Variants in RBM20 observed in about 807,000 individuals in gnomAD.
The protein encoded by RBM20 is RNA binding motif protein 20, also known as RNA-binding protein 20.
A neutral mutation model predicts 110.1 loss-of-function variants in RBM20; 51 were observed. The observed-to-expected ratio is 0.46, with a 90% CI of 0.37 to 0.59. The LOEUF is 0.59. Among genes scored for constraint, RBM20 ranks in the 20% least tolerant of loss-of-function variants. The pLI, the probability that RBM20 is intolerant of heterozygous loss-of-function variation, is 0.00. For synonymous variants in RBM20, 589 were observed against 618.2 expected (o/e 0.95, Z 0.70); for missense variants, 1,512 against 1,574.9 (o/e 0.96, Z 0.68).
chr10:110,721,785 T>C (rs1297191799), intron 1 of RBM20, among the ~76,000 whole-genome samples: 2 of 152,152 alleles, frequency 1.3e-5, no homozygotes, highest in Non-Finnish European at 2.9e-5. Context: ...GGCCTATAAA[T>C]AGGTGTGATA....
chr10:110,691,855 A>G (rs756327999), intron 1 of RBM20, among the ~76,000 whole-genome samples: 28 of 152,158 alleles, frequency 1.8e-4, no homozygotes, highest in Non-Finnish European at 3.5e-4. Flanking sequence ...GCCAAATCCA[A>G]TGTTACGAAG....
At chr10:110,785,730 A>G (rs954744392) in intron 5 of RBM20, among the ~76,000 whole-genome samples, 2 of 152,192 alleles carry the variant, frequency 1.3e-5, no homozygotes, top group Admixed American at 6.5e-5. Flanking sequence ...GTATTGAAAC[A>G]CATGACTTAA....
intron 1 of RBM20, among the ~76,000 whole-genome samples, chr10:110,727,143 C>CTTTTT (rs57606079): frequency 7.4e-5 from 6 of 80,662 alleles, no homozygotes; most frequent in Non-Finnish European, 1.1e-4. Flanking sequence ...TGCACCCAGC[C>CTTTTT]TTTTTTTTTT....
chr10:110,743,210 T>G (rs1268219684), intron 1 of RBM20, among the ~76,000 whole-genome samples: 1 of 152,244 alleles, frequency 6.6e-6, no homozygotes, highest in Non-Finnish European at 1.5e-5. Flanking sequence ...AAAAAAGGCT[T>G]ATGAGCTTAG....
chr10:110,821,889 C>G lies in RBM20; in HGVS notation c.3270C>G (p.Ile1090Met). The change falls in exon 11 of 14, where the codon ATC becomes ATG. Residue 1090 changes from isoleucine (I) to methionine (M), a missense_variant. Physicochemically the swap from Ile to Met is conservative, Grantham distance 10. Around this residue, in one of 3 missense-constraint regions of RBM20, gnomAD observed 358 missense variants for 384.2 expected, o/e 0.93. Transcript: ENST00000369519. ...SPLEEKASPP[I>M]ETDLQNQACQ... ...TGGAGGAGAAAGCCAGCCCCCCCATCGAAACTGACCTCCAAAACCAAGCTT... is the reference window on the plus strand; with the variant it reads ...TGGAGGAGAAAGCCAGCCCCCCCATGGAAACTGACCTCCAAAACCAAGCTT... 10 of 1,551,690 alleles carry G rather than the reference C, an allele frequency of 6.4e-6. No individual in the cohort carries two copies. The highest frequency in any genetic ancestry group is 8.7e-6 in the Non-Finnish European group (10 of 1,147,004).
chr10:110,726,561 AGT>A (rs1033846627), intron 1 of RBM20, among the ~76,000 whole-genome samples: 28 of 152,250 alleles, frequency 1.8e-4, no homozygotes, highest in African/African-American at 6.7e-4. Context: ...TAAGCTACTC[AGT>A]GTCTTTGTCT....
chr10:110,706,860 C>T (rs1862847203), intron 1 of RBM20, among the ~76,000 whole-genome samples: 1 of 152,068 alleles, frequency 6.6e-6, no homozygotes, highest in Non-Finnish European at 1.5e-5. Flanking sequence ...GTGGTCCAGG[C>T]CTTTTTGTGG....
At chr10:110,684,079 A>C (rs948682302) in intron 1 of RBM20, among the ~76,000 whole-genome samples, 13 of 152,232 alleles carry the variant, frequency 8.5e-5, no homozygotes, top group African/African-American at 2.9e-4. Flanking sequence ...CTACAGTGTC[A>C]AGGAAAACAT....
chr10:110,688,675 A>G (rs1397902063), intron 1 of RBM20, among the ~76,000 whole-genome samples: 3 of 152,242 alleles, frequency 2.0e-5, no homozygotes, highest in Admixed American at 6.5e-5. Flanking sequence ...AAAAGCTACA[A>G]ATCAAGCACA....
At chr10:110,702,329 C>T (rs918659963) in intron 1 of RBM20, among the ~76,000 whole-genome samples, 7 of 150,726 alleles carry the variant, frequency 4.6e-5, no homozygotes, top group African/African-American at 1.7e-4. Flanking sequence ...CACCTGAGGG[C>T]AGGAGTTCAA....
At chr10:110,705,508 G>A (rs1487265893) in intron 1 of RBM20, among the ~76,000 whole-genome samples, 1 of 152,150 alleles carries the variant, frequency 6.6e-6, no homozygotes, top group African/African-American at 2.4e-5. Context: ...TGTTGGAAAT[G>A]GAATTGAAAA....
At chr10:110,726,507 C>T (rs1428283100) in intron 1 of RBM20, among the ~76,000 whole-genome samples, 1 of 152,180 alleles carries the variant, frequency 6.6e-6, no homozygotes, top group Non-Finnish European at 1.5e-5. Context: ...AACCCCAGTT[C>T]CTCTACCCAC....
In RBM20 at chr10:110,820,145, T is replaced by C; in HGVS notation, c.2624T>C (p.Phe875Ser). ...GGCAGACAGGAGAAAGAAGCAGAGT[T>C]CTCTGATCCGGAAAACACAAGGACA... ...SVGRQEKEAE[F>S]SDPENTRTKK... The change falls in exon 10 of 14, where the codon TTC (phenylalanine) becomes TCC (serine). Residue 875 changes from phenylalanine to serine, a missense_variant. Phe to Ser is a radical substitution (Grantham distance 155). Coordinates refer to ENST00000369519, the MANE Select transcript of RBM20 (RefSeq NM_001134363.3). The C allele has an allele frequency of 6.4e-7, 1 of 1,551,456 alleles. No individual in the cohort carries two copies. Among genetic ancestry groups the C allele is most frequent in the South Asian group, 1.2e-5 (1 of 84,030 alleles).
At chr10:110,675,757 C>T (rs891091412) in intron 1 of RBM20, among the ~76,000 whole-genome samples, 3 of 152,192 alleles carry the variant, frequency 2.0e-5, no homozygotes, top group Non-Finnish European at 2.9e-5. Context: ...TACCACTTAC[C>T]AGCTGTGACC....
chr10:110,836,076 G>A lies in RBM20; in HGVS notation c.*98G>A. 1 of 588,372 alleles carries A rather than the reference G, an allele frequency of 1.7e-6. No individual in the cohort carries two copies. Among genetic ancestry groups the A allele is most frequent in the Non-Finnish European group, 3.0e-6 (1 of 328,484 alleles). 36.4% of individuals were successfully genotyped at this position (588,372 alleles called of 1,614,324 possible). A position where few individuals can be genotyped will look rare whatever the true frequency, so the allele number is the denominator to read the frequency against. The stretch of plus-strand genomic sequence containing the variant: ...GATTCTGGGGACAGGACTAAAGCCT[G>A]AGAGGAAGGAAAACCAAGCAGGGCA... On this transcript the variant is annotated 3_prime_UTR_variant, in exon 14 of 14. Transcript: ENST00000369519.
chr10:110,788,940 A>C (rs1844452205), intron 5 of RBM20, among the ~76,000 whole-genome samples: 1 of 152,212 alleles, frequency 6.6e-6, no homozygotes, highest in Non-Finnish European at 1.5e-5. Context: ...CTTATTGTGA[A>C]AATGCAAACA....
At chr10:110,831,678 A>AAAAAAC (rs1564668201) in intron 13 of RBM20, among the ~76,000 whole-genome samples, 5 of 143,728 alleles carry the variant, frequency 3.5e-5, no homozygotes, top group African/African-American at 1.3e-4. Context: ...AAAAAAAAAA[A>AAAAAAC]AAAAAAAAAA....
Position 110,797,534 on chromosome 10 carries a change from T to A in RBM20, c.1554T>A (p.Arg518=), listed in dbSNP as rs1237509064. 2.6e-6 allele frequency: 4 copies of A among 1,551,474 alleles called. No homozygotes were observed. In the African/African-American group the frequency reaches 5.5e-5, roughly 21 times the overall value. Residue 518 remains arginine (R), a synonymous_variant, in exon 6 of 14, where the codon CGT becomes CGA. Transcript: ENST00000369519. ...TTGCACAGCGGAAAGGGGCTGGCCG[T>A]GTGGTGCACATCTGCAATCTCCCTG... ...TTFAQRKGAG[R]VVHICNLPEG... is the part of the protein sequence containing the mutation.
At position 110,820,169 on chromosome 10, in the gene RBM20, CAAAG is replaced by C. The variant is rs1844890134; in HGVS notation, c.2651_2654del (p.Lys884ArgfsTer25). On this transcript the variant is annotated frameshift_variant, in exon 10 of 14. Transcript: ENST00000369519. LOFTEE classifies it high-confidence loss of function. Reference sequence around the variant, plus strand: ...TTCTCTGATCCGGAAAACACAAGGACAAAGAAGGTAAAGTTTGTTTCAGATTCTG... The same window carrying C: ...TTCTCTGATCCGGAAAACACAAGGACAAGGTAAAGTTTGTTTCAGATTCTG... 6.5e-7 allele frequency: 1 copy of C among 1,549,484 alleles called. No individual in the cohort carries two copies. Among genetic ancestry groups the C allele is most frequent in the East Asian group, 2.4e-5 (1 of 40,936 alleles).
Sources: gnomAD v4.1 joint callset for allele counts (sites outside exome capture counted in the v4.1 genomes callset) on GRCh38, gnomAD v4.1.1 for gene constraint, gnomAD v4.1.1 regional missense constraint, MANE v1.5 for transcripts, NCBI Gene and HGNC (gene_info 2026-07-23, HGNC 2026-07-21) for gene names.